GRIA4: variants seen among roughly 807,000 people sequenced by gnomAD.
GRIA4 encodes glutamate receptor 4.
A neutral mutation model predicts 104.0 loss-of-function variants in GRIA4; 34 were observed. The observed-to-expected ratio is 0.33, with a 90% CI of 0.25 to 0.44. GRIA4 has a LOEUF of 0.44. GRIA4 is among the 20% of genes least tolerant of loss of function. The probability of loss-of-function intolerance (pLI) is 1.00; values close to 1 mark genes in which losing one functional copy is unlikely to be tolerated. For missense variants in GRIA4, 750 were observed against 1,096.5 expected (o/e 0.68, Z 4.46); for synonymous variants, 386 against 381.9 (o/e 1.01, Z -0.13).
At chr11:105,851,704 C>T (rs916904127) in intron 4 of GRIA4, among the ~76,000 whole-genome samples, 1 of 152,122 alleles carries the variant, frequency 6.6e-6, no homozygotes, top group African/African-American at 2.4e-5. Flanking sequence ...CACCAATCTT[C>T]AGTATGAGTT....
intron 4 of GRIA4, among the ~76,000 whole-genome samples, chr11:105,795,664 A>G (rs1260792123): frequency 2.0e-5 from 3 of 152,160 alleles, no homozygotes; most frequent in African/African-American, 4.8e-5. Flanking sequence ...GAAAGGGGTA[A>G]GCACTAAGCC....
rs367545814 is a variant in GRIA4 at position 105,861,188 on chromosome 11, G to A, written c.488-836G>A. On this transcript the variant is annotated intron_variant, in intron 4 of 16. Transcript: ENST00000282499. Reference sequence around the variant, plus strand: ...TTCTCTCATGGCAGGCTGTCTTCACGTAATAAACACCCCCACCTGCATCAG... The same window carrying A: ...TTCTCTCATGGCAGGCTGTCTTCACATAATAAACACCCCCACCTGCATCAG... 7.2e-5 allele frequency among the ~76,000 whole-genome samples: 11 copies of A among 152,124 alleles called. No homozygotes were observed. In the East Asian group the frequency reaches 1.9e-3, roughly 27 times the overall value.
At chr11:105,702,237 G>C (rs1440459592) in intron 3 of GRIA4, among the ~76,000 whole-genome samples, 6 of 151,870 alleles carry the variant, frequency 4.0e-5, no homozygotes, top group African/African-American at 1.5e-4. Context: ...AGTTGTTGAA[G>C]AGAAGCTATC....
chr11:105,935,223 T>C (rs1194231275), intron 14 of GRIA4, among the ~76,000 whole-genome samples: 2 of 151,908 alleles, frequency 1.3e-5, no homozygotes, highest in African/African-American at 2.4e-5. Flanking sequence ...TAGTGAGGGG[T>C]TTTATAGTAT....
chr11:105,859,524 T>G (rs957345293), intron 4 of GRIA4, among the ~76,000 whole-genome samples: 1 of 152,154 alleles, frequency 6.6e-6, no homozygotes, highest in Non-Finnish European at 1.5e-5. Flanking sequence ...TATCTATAAA[T>G]TTCATCAGAA....
chr11:105,926,630 A>C, intron 12 of GRIA4, 111 bp from the exon 13 acceptor site: 2 of 704,520 alleles, frequency 2.8e-6, no homozygotes, highest in South Asian at 3.5e-5. Flanking sequence ...AAAATAAAAC[A>C]ATACTTGGCA....
intron 5 of GRIA4, among the ~76,000 whole-genome samples, chr11:105,886,323 T>G (rs1011198450): frequency 8.5e-5 from 13 of 152,196 alleles, no homozygotes; most frequent in African/African-American, 3.1e-4. Context: ...CAAGCATTTA[T>G]CCTTTGTGTT....
chr11:105,837,721 C>A (rs995446739), intron 4 of GRIA4, among the ~76,000 whole-genome samples: 8 of 152,128 alleles, frequency 5.3e-5, no homozygotes, highest in Non-Finnish European at 8.8e-5. Flanking sequence ...TTTTTTAAAT[C>A]AAGAATTCCT....
chr11:105,679,705 T>A (rs1389516691), intron 3 of GRIA4, among the ~76,000 whole-genome samples: 5 of 152,132 alleles, frequency 3.3e-5, no homozygotes, highest in Non-Finnish European at 7.4e-5. Flanking sequence ...TATAAATATA[T>A]ATACACACAC....
intron 14 of GRIA4, among the ~76,000 whole-genome samples, chr11:105,953,589 A>G (rs1948511268): frequency 1.3e-5 from 2 of 151,680 alleles, no homozygotes. Context: ...TCTTATTAGC[A>G]TGGTTCTGGG....
intron 4 of GRIA4, among the ~76,000 whole-genome samples, chr11:105,845,948 TAAG>T (rs1385227525): frequency 6.6e-6 from 1 of 152,116 alleles, no homozygotes; most frequent in East Asian, 1.9e-4. Flanking sequence ...TTTGAGGAAA[TAAG>T]AAGTGTGAAG....
chr11:105,680,896 C>T (rs1565459208), intron 3 of GRIA4, among the ~76,000 whole-genome samples: 1 of 152,156 alleles, frequency 6.6e-6, no homozygotes, highest in Non-Finnish European at 1.5e-5. Flanking sequence ...TTCCCTGAGG[C>T]ATTTATGCTC....
At chr11:105,619,980 C>T (rs940149926) in intron 3 of GRIA4, among the ~76,000 whole-genome samples, 17 of 151,824 alleles carry the variant, frequency 1.1e-4, no homozygotes, top group African/African-American at 4.1e-4. Context: ...TTGGCTTTGT[C>T]CTCTGCCTCT....
At chr11:105,820,712 G>T (rs1394807789) in intron 4 of GRIA4, among the ~76,000 whole-genome samples, 1 of 151,784 alleles carries the variant, frequency 6.6e-6, no homozygotes, top group Middle Eastern at 3.4e-3. Flanking sequence ...TTGTTTGTAG[G>T]TGATTCATAG....
intron 3 of GRIA4, among the ~76,000 whole-genome samples, chr11:105,699,968 G>C (rs1436981759): frequency 2.6e-5 from 4 of 152,118 alleles, no homozygotes; most frequent in Admixed American, 2.6e-4. Flanking sequence ...TTTATTCACT[G>C]TTGTATTCTC....
intron 3 of GRIA4, among the ~76,000 whole-genome samples, chr11:105,659,534 C>T (rs1951944719): frequency 6.6e-6 from 1 of 151,782 alleles, no homozygotes; most frequent in Non-Finnish European, 1.5e-5. Context: ...TGAGTCTGTG[C>T]CCTAAGTAGC....
intron 4 of GRIA4, among the ~76,000 whole-genome samples, chr11:105,778,835 G>A (rs1456350029): frequency 2.0e-5 from 3 of 151,826 alleles, no homozygotes; most frequent in African/African-American, 7.3e-5. Context: ...CGCACAACGT[G>A]CAAGTTTGTT....
intron 4 of GRIA4, among the ~76,000 whole-genome samples, chr11:105,817,648 C>G (rs990710585): frequency 5.3e-5 from 8 of 151,746 alleles, no homozygotes; most frequent in African/African-American, 1.9e-4. Context: ...AAAATAATTA[C>G]CAATATTTTC....
chr11:105,905,075 T>G, intron 8 of GRIA4, 122 bp from the exon 9 acceptor site: 1 of 615,408 alleles, frequency 1.6e-6, no homozygotes, highest in South Asian at 2.0e-5. Context: ...TAATGGCATT[T>G]CAGTTAGTTG....
Sources: gnomAD v4.1 joint callset for allele counts (sites outside exome capture counted in the v4.1 genomes callset) on GRCh38, gnomAD v4.1.1 for gene constraint, MANE v1.5 for transcripts, NCBI Gene and HGNC (gene_info 2026-07-23, HGNC 2026-07-21) for gene names.